UQCC1: variants seen among roughly 807,000 people sequenced by gnomAD.
UQCC1 encodes ubiquinol-cytochrome c reductase complex assembly factor 1, also known as bFGF-repressed Zic-binding protein.
In UQCC1, 38 loss-of-function variants were observed where a neutral mutation model predicts 48.0. The observed-to-expected ratio is 0.79, with a 90% CI of 0.61 to 1.04. UQCC1 has a LOEUF of 1.04. Among genes scored for constraint, UQCC1 ranks in the 50% least tolerant of loss-of-function variants. The pLI is 0.00. For synonymous variants in UQCC1, 111 were observed against 129.2 expected (o/e 0.86, Z 0.95); for missense variants, 368 against 381.8 (o/e 0.96, Z 0.30).
chr20:35,392,414 T>A, intron 2 of UQCC1: 1 of 684,676 alleles, frequency 1.5e-6, no homozygotes, highest in Non-Finnish European at 2.3e-6. Flanking sequence ...TTTGCTATAA[T>A]GTTGTCCCAG....
In UQCC1 at chr20:35,306,354, G is replaced by A. The variant is rs867429930; in HGVS notation, c.765+312C>T. The A allele has an allele frequency of 1.3e-5, 4 of 302,624 alleles. No individual in the cohort carries two copies. In the South Asian group the frequency reaches 1.5e-4, roughly 11 times the overall value. The allele number at this position is 302,624 out of a possible 1,614,324, so 18.7% of individuals were successfully genotyped here. On this transcript the variant is annotated intron_variant, in intron 9 of 9. Coordinates refer to ENST00000374385, the MANE Select transcript of UQCC1 (RefSeq NM_018244.5). ...GCTCATATCTGCCAGGACTCTGTGG[G>A]CCCAGCTGCTAGCATAGCACTGGGC...
intron 7 of UQCC1, among the ~76,000 whole-genome samples, chr20:35,320,256 A>G (rs765193099): frequency 2.0e-4 from 31 of 152,148 alleles, no homozygotes; most frequent in Non-Finnish European, 3.8e-4. Context: ...ATCATTCATT[A>G]TTTACCAAGT....
chr20:35,408,168 C>T (rs1422263200), intron 1 of UQCC1, among the ~76,000 whole-genome samples: 1 of 152,162 alleles, frequency 6.6e-6, no homozygotes, highest in East Asian at 1.9e-4. Flanking sequence ...GTGGTTCACA[C>T]CTGTAATCCT....
At chr20:35,305,798 G>A (rs560914855) in intron 9 of UQCC1, among the ~76,000 whole-genome samples, 3 of 152,340 alleles carry the variant, frequency 2.0e-5, no homozygotes, top group South Asian at 2.1e-4. Context: ...TAACTGTGGC[G>A]TGACACCCCT....
chr20:35,352,905 G>A (rs542050011), intron 6 of UQCC1, among the ~76,000 whole-genome samples: 10 of 152,048 alleles, frequency 6.6e-5, no homozygotes, highest in African/African-American at 1.9e-4. Flanking sequence ...GGCTGGTCTC[G>A]AATTCCTGGG....
intron 5 of UQCC1, among the ~76,000 whole-genome samples, chr20:35,371,697 A>C (rs1340783016): frequency 7.8e-6 from 1 of 128,432 alleles, no homozygotes; most frequent in Non-Finnish European, 1.7e-5. Flanking sequence ...AAGGCACTTA[A>C]AGAAAAAAAA....
intron 7 of UQCC1, among the ~76,000 whole-genome samples, chr20:35,343,912 C>T (rs1046780890): frequency 6.6e-5 from 10 of 152,164 alleles, no homozygotes; most frequent in Admixed American, 1.3e-4. Flanking sequence ...GTATGAGAAA[C>T]GCTGATCTAA....
intron 7 of UQCC1, among the ~76,000 whole-genome samples, chr20:35,340,963 T>C (rs2061370259): frequency 6.6e-6 from 1 of 152,002 alleles, no homozygotes; most frequent in Admixed American, 6.6e-5. Context: ...TGGTGGTGGC[T>C]CATGCCTGTA....
chr20:35,356,532 A>T (rs2146413538), intron 6 of UQCC1, among the ~76,000 whole-genome samples: 1 of 152,306 alleles, frequency 6.6e-6, no homozygotes, highest in South Asian at 2.1e-4. Context: ...ATGCCAAGTG[A>T]TTTGGATGCA....
intron 7 of UQCC1, among the ~76,000 whole-genome samples, chr20:35,341,218 C>CAAAAAAAAAAAAA (rs61675932): frequency 8.6e-6 from 1 of 115,836 alleles, no homozygotes; most frequent in African/African-American, 3.5e-5. Flanking sequence ...GAGACTCCGT[C>CAAAAAAAAAAAAA]AAAAAAAAAA....
chr20:35,366,880 G>A (rs1246272231), intron 5 of UQCC1, among the ~76,000 whole-genome samples: 1 of 152,030 alleles, frequency 6.6e-6, no homozygotes, highest in Admixed American at 6.5e-5. Flanking sequence ...GATCACCTCA[G>A]GTCAGGAGAT....
rs761291345 is a variant in UQCC1 at position 35,384,130 on chromosome 20, G to A, written c.133C>T (p.Pro45Ser). The A allele has an allele frequency of 1.2e-6, 2 of 1,611,186 alleles. No homozygotes were observed. Among genetic ancestry groups the A allele is most frequent in the Admixed American group, 1.7e-5 (1 of 59,948 alleles). Reference protein sequence around the residue: ...DRALSRTSQWPQMSQSRACGG... With the variant: ...DRALSRTSQWSQMSQSRACGG... ...CATGCTCGGGACTGGCTCATCTGGG[G>A]CCACTGAAGAATAAAAACACAGATC... Residue 45 changes from proline to serine, a missense_variant, in exon 3 of 10, where the codon CCC becomes TCC. Transcript: ENST00000374385.
chr20:35,330,493 T>A (rs1462891557), intron 7 of UQCC1, among the ~76,000 whole-genome samples: 1 of 152,360 alleles, frequency 6.6e-6, no homozygotes, highest in Admixed American at 6.5e-5. Context: ...TGGGGCTTCC[T>A]GCCATCAGCC....
chr20:35,406,425 C>G (rs2062251556), intron 1 of UQCC1, among the ~76,000 whole-genome samples: 1 of 152,182 alleles, frequency 6.6e-6, no homozygotes, highest in South Asian at 2.1e-4. Flanking sequence ...GAAACTGTAG[C>G]AGCCAGAAGG....
Position 35,353,634 on chromosome 20 carries a change from A to C in UQCC1, c.465-6362T>G, listed in dbSNP as rs555718883. On this transcript the variant is annotated intron_variant, in intron 6 of 9. Transcript: ENST00000374385. ...AGTAAGACCCCACCTCTACAAAAAA[A>C]CGTAAAAATTAGCCAAATGTGGTGG... Among the ~76,000 whole-genome samples the C allele has an allele frequency of 4.2e-4, 64 of 152,026 alleles. 1 individual carries two copies. The highest frequency in any genetic ancestry group is 1.5e-3 in the African/African-American group (62 of 41,464).
intron 7 of UQCC1, among the ~76,000 whole-genome samples, chr20:35,326,552 G>A (rs917503593): frequency 6.6e-6 from 1 of 152,142 alleles, no homozygotes; most frequent in Non-Finnish European, 1.5e-5. Flanking sequence ...ACACACCAGG[G>A]CCTAGGAGCC....
intron 7 of UQCC1, chr20:35,346,894 C>A: frequency 8.4e-7 from 1 of 1,188,714 alleles, no homozygotes; most frequent in Non-Finnish European, 1.2e-6. Flanking sequence ...TCCATCCCTC[C>A]TATCACCACG....
rs200580923 is a variant in UQCC1 at position 35,399,856 on chromosome 20, C to CAA, written c.25-5662_25-5661dup. ...CTGCGTGACAGAGCAAGACTCCACT[C>CAA]AAAAAAAAAAAAAAAGAAAAGAAAT... On this transcript the variant is annotated intron_variant, in intron 1 of 9. Transcript: ENST00000374385. Among the ~76,000 whole-genome samples the CAA allele has an allele frequency of 8.6e-3, 856 of 100,082 alleles. 16 individuals carry two copies. The highest frequency in any genetic ancestry group is 0.027 in the African/African-American group (696 of 25,348). 65.7% of individuals were successfully genotyped at this position (100,082 alleles called of 152,430 possible).
intron 7 of UQCC1, among the ~76,000 whole-genome samples, chr20:35,338,876 A>ATATAT (rs1417579425): frequency 5.1e-5 from 3 of 58,514 alleles, no homozygotes; most frequent in Non-Finnish European, 8.5e-5. Context: ...AAAAAAAAAA[A>ATATAT]AAAAAAAAAA....
Sources: allele counts gnomAD v4.1 joint callset (sites outside exome capture counted in the v4.1 genomes callset), GRCh38; gene constraint gnomAD v4.1.1; transcripts MANE v1.5; gene names NCBI Gene and HGNC (gene_info 2026-07-23, HGNC 2026-07-21).